ANKRD12: variants seen among roughly 807,000 people sequenced by gnomAD.
ANKRD12 encodes the protein ankyrin repeat domain-containing protein 12.
ANKRD12 carries 85 observed loss-of-function variants against 183.4 expected under a neutral mutation model. The observed-to-expected ratio is 0.46, with a 90% CI of 0.39 to 0.56. The LOEUF (loss-of-function observed/expected upper bound fraction) is 0.56. Among genes scored for constraint, ANKRD12 ranks in the 20% least tolerant of loss-of-function variants. The pLI is 0.00. For synonymous variants in ANKRD12, 914 were observed against 800.2 expected (o/e 1.14, Z -2.40); for missense variants, 2,405 against 2,357.1 (o/e 1.02, Z -0.42).
intron 8 of ANKRD12, among the ~76,000 whole-genome samples, chr18:9,245,572 A>C (rs1290562493): frequency 6.6e-6 from 1 of 152,218 alleles, no homozygotes; most frequent in Non-Finnish European, 1.5e-5. Flanking sequence ...CAAGATATTT[A>C]TGTCTGAGTC....
At chr18:9,143,762 G>A (rs1364604477) in intron 1 of ANKRD12, among the ~76,000 whole-genome samples, 2 of 152,098 alleles carry the variant, frequency 1.3e-5, no homozygotes, top group Non-Finnish European at 2.9e-5. Flanking sequence ...TCTCTGCGGA[G>A]CATTCTCTTT....
At chr18:9,152,854 C>A (rs1208502825) in intron 1 of ANKRD12, among the ~76,000 whole-genome samples, 1 of 152,132 alleles carries the variant, frequency 6.6e-6, no homozygotes, top group Non-Finnish European at 1.5e-5. Context: ...CTCTCCTTGA[C>A]CCCTACCCTT....
intron 1 of ANKRD12, among the ~76,000 whole-genome samples, chr18:9,139,932 A>G (rs2078260090): frequency 6.6e-6 from 1 of 152,222 alleles, no homozygotes; most frequent in Non-Finnish European, 1.5e-5. Flanking sequence ...CTTTCTGTGA[A>G]GATGCTAATT....
chr18:9,232,974 C>T (rs147930487), intron 8 of ANKRD12, among the ~76,000 whole-genome samples: 15 of 152,004 alleles, frequency 9.9e-5, no homozygotes, highest in African/African-American at 3.4e-4. Flanking sequence ...CTCAGCCTCC[C>T]GAGTAGCTGG....
Position 9,282,883 on chromosome 18 carries a change from C to T in ANKRD12, c.*1757C>T, listed in dbSNP as rs2040154052. ...AAAAAAAAAATACACAGTGCAAGGACTTTATTATAAAGGTTGGATGTAGTT... is the reference window on the plus strand; with the variant it reads ...AAAAAAAAAATACACAGTGCAAGGATTTTATTATAAAGGTTGGATGTAGTT... On this transcript the variant is annotated 3_prime_UTR_variant, in exon 13 of 13. Transcript: ENST00000262126. 1 of 152,314 alleles carries T rather than the reference C, an allele frequency of 6.6e-6. No homozygotes were observed. The highest frequency in any genetic ancestry group is 1.5e-5 in the Non-Finnish European group (1 of 67,970). 9.4% of individuals were successfully genotyped at this position (152,314 alleles called of 1,614,324 possible). A position where few individuals can be genotyped will look rare whatever the true frequency, so the allele number is the denominator to read the frequency against.
At chr18:9,238,724 C>G (rs1379720051) in intron 8 of ANKRD12, among the ~76,000 whole-genome samples, 2 of 152,190 alleles carry the variant, frequency 1.3e-5, no homozygotes, top group East Asian at 3.9e-4. Flanking sequence ...TTTTGTAAGT[C>G]CATCTTCCAG....
At position 9,217,694 on chromosome 18, in the gene ANKRD12, T is replaced by G. The variant is rs148166445; in HGVS notation, c.795+794T>G. Among the ~76,000 whole-genome samples the G allele has an allele frequency of 6.4e-3, 970 of 152,346 alleles. 7 individuals are homozygous for G. Among genetic ancestry groups the G allele is most frequent in the Middle Eastern group, 0.017 (5 of 294 alleles). On this transcript the variant is annotated intron_variant, in intron 7 of 12. Coordinates refer to ENST00000262126, the MANE Select transcript of ANKRD12 (RefSeq NM_015208.5). ...GGTCTACTCTTTTCTCTGTGCTCCTTTGGCAATTTGTACAAACCTATATCA... is the reference window on the plus strand; with the variant it reads ...GGTCTACTCTTTTCTCTGTGCTCCTGTGGCAATTTGTACAAACCTATATCA...
At chr18:9,172,465 A>G (rs959465929) in intron 1 of ANKRD12, among the ~76,000 whole-genome samples, 1 of 152,072 alleles carries the variant, frequency 6.6e-6, no homozygotes, top group African/African-American at 2.4e-5. Context: ...TTATTTCAGA[A>G]AGACAGTTTT....
At chr18:9,251,063 A>T (rs550114599) in intron 8 of ANKRD12, among the ~76,000 whole-genome samples, 5 of 152,324 alleles carry the variant, frequency 3.3e-5, no homozygotes, top group African/African-American at 9.6e-5. Context: ...TGTGACAGTA[A>T]TATATTTTCT....
chr18:9,180,202 T>C (rs1034555034), intron 1 of ANKRD12, among the ~76,000 whole-genome samples: 2 of 152,144 alleles, frequency 1.3e-5, no homozygotes, highest in African/African-American at 2.4e-5. Flanking sequence ...TTTATCAATA[T>C]GTAGTATATA....
At chr18:9,226,072 G>A (rs1202008363) in intron 8 of ANKRD12, among the ~76,000 whole-genome samples, 1 of 152,114 alleles carries the variant, frequency 6.6e-6, no homozygotes, top group Non-Finnish European at 1.5e-5. Context: ...ATGTATATAT[G>A]AGATATATGA....
intron 8 of ANKRD12, among the ~76,000 whole-genome samples, chr18:9,249,956 G>C (rs1334996134): frequency 6.6e-6 from 1 of 152,190 alleles, no homozygotes; most frequent in Non-Finnish European, 1.5e-5. Context: ...TGTGAAATCA[G>C]ACAGAAATAC....
chr18:9,270,479 G>A (rs1393943133), intron 10 of ANKRD12, among the ~76,000 whole-genome samples: 1 of 152,160 alleles, frequency 6.6e-6, no homozygotes, highest in Non-Finnish European at 1.5e-5. Flanking sequence ...CATGGATGAA[G>A]CTGGAAACCA....
At chr18:9,203,739 G>A (rs1233910675) in intron 3 of ANKRD12, among the ~76,000 whole-genome samples, 1 of 152,076 alleles carries the variant, frequency 6.6e-6, no homozygotes, top group East Asian at 1.9e-4. Context: ...CAAGTAGGTG[G>A]GATTACAGGC....
At position 9,256,761 on chromosome 18, in the gene ANKRD12, A is replaced by G. The variant is rs1410541649; in HGVS notation, c.3494A>G (p.Gln1165Arg). 1.2e-6 allele frequency: 2 copies of G among 1,613,736 alleles called. No homozygotes were observed. Among genetic ancestry groups the G allele is most frequent in the Admixed American group, 1.7e-5 (1 of 59,954 alleles). The change falls in exon 9 of 13, where the codon CAA becomes CGA. Residue 1165 changes from glutamine (Q) to arginine (R), a missense_variant. Transcript: ENST00000262126. ...QPKDAVSNRSQSVDTKNVMTL... is the reference protein window; with the variant it reads ...QPKDAVSNRSRSVDTKNVMTL... ...AAAGATGCTGTAAGTAACAGATCAC[A>G]ATCTGTTGACACCAAAAATGTAATG... is the stretch of plus-strand genomic sequence containing the variant.
rs71168048 is a variant in ANKRD12 at position 9,262,787 on chromosome 18, C to CTTTT, written c.5665-977_5665-974dup. Among the ~76,000 whole-genome samples the CTTTT allele has an allele frequency of 6.0e-3, 506 of 83,726 alleles. 69 individuals are homozygous for CTTTT. Among genetic ancestry groups the CTTTT allele is most frequent in the African/African-American group, 0.027 (473 of 17,590 alleles). 54.9% of individuals were successfully genotyped at this position (83,726 alleles called of 152,430 possible). On this transcript the variant is annotated intron_variant, in intron 9 of 12. Coordinates refer to ENST00000262126, the MANE Select transcript of ANKRD12 (RefSeq NM_015208.5). ...GCCACCATGCCCAGCCAAGATGTCC[C>CTTTT]TTTTTTTTTTTTTTTTTTTTTTTTT...
At chr18:9,150,352 C>T (rs1476566568) in intron 1 of ANKRD12, among the ~76,000 whole-genome samples, 1 of 152,028 alleles carries the variant, frequency 6.6e-6, no homozygotes, top group Non-Finnish European at 1.5e-5. Flanking sequence ...TTGAGTTCTA[C>T]CCAGAACGCT....
At chr18:9,171,461 T>C (rs1447560940) in intron 1 of ANKRD12, among the ~76,000 whole-genome samples, 2 of 152,222 alleles carry the variant, frequency 1.3e-5, no homozygotes, top group South Asian at 2.1e-4. Flanking sequence ...AATTTGATCC[T>C]GTCATCATGA....
intron 11 of ANKRD12, among the ~76,000 whole-genome samples, chr18:9,277,942 A>C (rs1339746657): frequency 6.6e-6 from 1 of 152,212 alleles, no homozygotes; most frequent in Non-Finnish European, 1.5e-5. Flanking sequence ...TTAATGATCC[A>C]GACCACCTGA....
Sources: allele counts gnomAD v4.1 joint callset (sites outside exome capture counted in the v4.1 genomes callset), GRCh38; gene constraint gnomAD v4.1.1; transcripts MANE v1.5; gene names NCBI Gene and HGNC (gene_info 2026-07-23, HGNC 2026-07-21).